SYNPO2: variants seen among roughly 807,000 people sequenced by gnomAD.
The protein encoded by SYNPO2 is synaptopodin-2.
SYNPO2 carries 56 observed loss-of-function variants against 85.0 expected under a neutral mutation model. The observed-to-expected ratio is 0.66, with a 90% CI of 0.53 to 0.82. The LOEUF (loss-of-function observed/expected upper bound fraction) is 0.82, where lower values mean the gene tolerates loss of function less well. Among genes scored for constraint, SYNPO2 ranks in the 40% least tolerant of loss-of-function variants. SYNPO2 has a pLI of 0.00. For missense variants in SYNPO2, 1,575 were observed against 1,534.2 expected, an observed-to-expected ratio of 1.03 and a Z score of -0.44; for synonymous variants, 602 against 591.1, an observed-to-expected ratio of 1.02 and a Z score of -0.27.
intron 1 of SYNPO2, among the ~76,000 whole-genome samples, chr4:118,873,094 A>G (rs1203983074): frequency 1.3e-5 from 2 of 152,102 alleles, no homozygotes; most frequent in Non-Finnish European, 2.9e-5. Context: ...CATTCCAATC[A>G]TCCATAAAAG....
intron 1 of SYNPO2, among the ~76,000 whole-genome samples, chr4:118,925,071 A>G (rs1026249172): frequency 6.6e-6 from 1 of 152,112 alleles, no homozygotes; most frequent in African/African-American, 2.4e-5. Flanking sequence ...ATGCACCATT[A>G]ATTTCACTGT....
intron 4 of SYNPO2, chr4:119,032,619 A>C (rs1040427031): frequency 4.0e-6 from 4 of 989,802 alleles, no homozygotes; most frequent in Non-Finnish European, 4.8e-6. Context: ...TATATAGTTT[A>C]GTAAGAAGTG....
At position 119,031,321 on chromosome 4, in the gene SYNPO2, C is replaced by G. The variant is rs149649606; in HGVS notation, c.2546C>G (p.Pro849Arg). The G allele has an allele frequency of 6.2e-7, 1 of 1,614,204 alleles. No individual in the cohort carries two copies. The highest frequency in any genetic ancestry group is 1.3e-5 in the African/African-American group (1 of 75,058). ...ACACCCAAACCAACAGTTTCCACAC[C>G]AACAGTCAATGCTGTTCAGCCTGGT... ...NYTPKPTVST[P>R]TVNAVQPGAV... The change falls in exon 4 of 5, where the codon CCA (proline) becomes CGA (arginine). Residue 849 changes from proline (P) to arginine (R), a missense_variant. Physicochemically the swap from Pro to Arg is moderately radical, Grantham distance 103 (BLOSUM62 -2). This residue lies in a region of SYNPO2 where 1,508 missense variants were observed against 1,446.8 expected (regional missense o/e 1.04). Transcript: ENST00000307142.
chr4:119,033,314 C>G (rs1738364972), intron 4 of SYNPO2: 1 of 985,288 alleles, frequency 1.0e-6, no homozygotes, highest in African/African-American at 1.7e-5. Flanking sequence ...TATTCTCTCA[C>G]CTTCACTTTA....
intron 1 of SYNPO2, among the ~76,000 whole-genome samples, chr4:119,012,287 G>A (rs187451603): frequency 5.3e-5 from 8 of 151,808 alleles, no homozygotes; most frequent in South Asian, 4.2e-4. Flanking sequence ...TCCTCCTGCC[G>A]GCATCACCAG....
At position 118,889,009 on chromosome 4, in the gene SYNPO2, C is replaced by T. The variant is rs761423935; in HGVS notation, c.-28C>T. 6.8e-6 allele frequency: 11 copies of T among 1,611,882 alleles called. No homozygotes were observed. The highest frequency in any genetic ancestry group is 9.3e-6 in the Non-Finnish European group (11 of 1,178,326). On this transcript the variant is annotated 5_prime_UTR_variant, in exon 1 of 5. Transcript: ENST00000307142. ...CAAGCTTCGTCTGTCTCGTCAAGCTCTTCATGCTGCCCAACTAAAAGGAAA... is the reference window on the plus strand; with the variant it reads ...CAAGCTTCGTCTGTCTCGTCAAGCTTTTCATGCTGCCCAACTAAAAGGAAA...
In SYNPO2 at chr4:118,922,110, G is replaced by A. The variant is rs573276321; in HGVS notation, c.105+32969G>A. 2.6e-5 allele frequency among the ~76,000 whole-genome samples: 4 copies of A among 152,136 alleles called. No homozygotes were observed. The East Asian group carries it at 7.7e-4, about 29-fold the overall frequency. Reference sequence around the variant, plus strand: ...GGCTTATAAATGGTTAAATAAATGAGGAGGGAGTGAATGTCCAAGGCAAGC... The same window carrying A: ...GGCTTATAAATGGTTAAATAAATGAAGAGGGAGTGAATGTCCAAGGCAAGC... On this transcript the variant is annotated intron_variant, in intron 1 of 4. Coordinates refer to ENST00000307142, the MANE Select transcript of SYNPO2 (RefSeq NM_133477.3).
chr4:118,860,680 C>G (rs1731593405), intron 1 of SYNPO2, among the ~76,000 whole-genome samples: 1 of 151,600 alleles, frequency 6.6e-6, no homozygotes, highest in Non-Finnish European at 1.5e-5. Context: ...TTCAGCCACC[C>G]TAGTAGCTGA....
chr4:118,898,569 C>T (rs1252443830), intron 1 of SYNPO2, among the ~76,000 whole-genome samples: 1 of 152,134 alleles, frequency 6.6e-6, no homozygotes, highest in Admixed American at 6.5e-5. Context: ...ACTAATATTC[C>T]TACAATCATT....
chr4:118,916,729 C>T (rs201679448), intron 1 of SYNPO2, among the ~76,000 whole-genome samples: 53 of 116,980 alleles, frequency 4.5e-4, no homozygotes, highest in Admixed American at 7.3e-4. Flanking sequence ...ATTTTTCTTT[C>T]TTTTTTTTTT....
chr4:118,944,512 T>G (rs1338304411), intron 1 of SYNPO2, among the ~76,000 whole-genome samples: 2 of 152,114 alleles, frequency 1.3e-5, no homozygotes, highest in Non-Finnish European at 2.9e-5. Flanking sequence ...TAGCAACAAA[T>G]ATCAGCCAAA....
chr4:118,885,098 C>T (rs1732174519), upstream of SYNPO2, among the ~76,000 whole-genome samples: 2 of 151,996 alleles, frequency 1.3e-5, no homozygotes, highest in Non-Finnish European at 2.9e-5. Context: ...GCAGGTGAAA[C>T]AAAAAAGCAA....
intron 1 of SYNPO2, among the ~76,000 whole-genome samples, chr4:118,977,303 C>T (rs547349645): frequency 5.8e-4 from 88 of 152,352 alleles, no homozygotes; most frequent in Non-Finnish European, 8.2e-4. Context: ...GTGCTAAGTC[C>T]CCCATTGCCC....
At chr4:118,945,806 C>A (rs547075613) in intron 1 of SYNPO2, among the ~76,000 whole-genome samples, 1 of 151,792 alleles carries the variant, frequency 6.6e-6, no homozygotes, top group South Asian at 2.1e-4. Flanking sequence ...AGTGCAGTGG[C>A]GTGACCTTGG....
intron 1 of SYNPO2, among the ~76,000 whole-genome samples, chr4:118,998,779 G>A (rs17050185): frequency 0.03 from 4,559 of 152,280 alleles, 215 homozygotes; most frequent in African/African-American, 0.1. Flanking sequence ...AACTTTGTGA[G>A]TCTGTGAAGT....
chr4:119,027,393 G>GA lies in SYNPO2; in HGVS notation c.1029dup (p.Asp344ArgfsTer19). 6 of 1,612,366 alleles carry GA rather than the reference G, an allele frequency of 3.7e-6. No individual in the cohort carries two copies. Among genetic ancestry groups the GA allele is most frequent in the Non-Finnish European group, 5.1e-6 (6 of 1,179,380 alleles). On this transcript the variant is annotated frameshift_variant, in exon 3 of 5. Coordinates refer to ENST00000307142, the MANE Select transcript of SYNPO2 (RefSeq NM_133477.3). LOFTEE classifies it high-confidence loss of function. Reference sequence around the variant, plus strand: ...AGAGCAGGGAGAAGATCCACGCTCGGAAAAAGATCACAGCAGACCTCACAA... The same window carrying GA: ...AGAGCAGGGAGAAGATCCACGCTCGGAAAAAAGATCACAGCAGACCTCACAA...
chr4:118,900,687 CTCTCTCTCTCTCTCTCTA>C (rs1377125709), intron 1 of SYNPO2, among the ~76,000 whole-genome samples: 90 of 46,096 alleles, frequency 2.0e-3, no homozygotes, highest in Middle Eastern at 0.012. Flanking sequence ...CTCTCTCTCT[CTCTCTCTCTCTCTCTCTA>C]TATATATATA....
At chr4:118,989,220 T>C (rs886234216) in intron 1 of SYNPO2, among the ~76,000 whole-genome samples, 2 of 152,148 alleles carry the variant, frequency 1.3e-5, no homozygotes, top group Non-Finnish European at 2.9e-5. Context: ...CTGAATACAT[T>C]TGAAAGCATC....
chr4:118,961,763 G>A (rs1237355438), intron 1 of SYNPO2, among the ~76,000 whole-genome samples: 4 of 152,226 alleles, frequency 2.6e-5, no homozygotes, highest in Admixed American at 1.3e-4. Context: ...GTCAAATCAC[G>A]GACATACAAA....
Sources: allele counts gnomAD v4.1 joint callset (sites outside exome capture counted in the v4.1 genomes callset), GRCh38; gene constraint gnomAD v4.1.1; regional missense constraint gnomAD v4.1.1; transcripts MANE v1.5; gene names NCBI Gene and HGNC (gene_info 2026-07-23, HGNC 2026-07-21).